The following MTHFD2L variants were observed in gnomAD, a reference collection of about 807,000 sequenced individuals.
MTHFD2L encodes methylenetetrahydrofolate dehydrogenase (NADP+ dependent) 2 like.
Under a neutral mutation model 34.9 loss-of-function variants are expected in MTHFD2L, and 29 were observed. That is an observed-to-expected ratio of 0.83 (90% CI 0.62 to 1.13). The LOEUF is 1.13. Among genes scored for constraint, MTHFD2L ranks in the 50% most tolerant of loss-of-function variants. MTHFD2L has a pLI of 0.00. For synonymous variants in MTHFD2L, 167 were observed against 155.7 expected (o/e 1.07, Z -0.54); for missense variants, 481 against 446.5 (o/e 1.08, Z -0.70).
chr4:74,122,038 C>T (rs1345823847), upstream of MTHFD2L, among the ~76,000 whole-genome samples: 1 of 152,040 alleles, frequency 6.6e-6, no homozygotes, highest in Non-Finnish European at 1.5e-5. Context: ...CAGTCTGTGG[C>T]ATTTTGTTAC....
chr4:74,268,313 C>T, intron 6 of MTHFD2L: 3 of 910,072 alleles, frequency 3.3e-6, no homozygotes, highest in Non-Finnish European at 3.9e-6. Flanking sequence ...AAATTCCACT[C>T]TAATTATTAT....
At chr4:74,147,351 T>C (rs1252267244) in intron 1 of MTHFD2L, among the ~76,000 whole-genome samples, 1 of 152,180 alleles carries the variant, frequency 6.6e-6, no homozygotes, top group East Asian at 1.9e-4. Context: ...AATAGAAGGA[T>C]TCCAGAAGGT....
intron 6 of MTHFD2L, among the ~76,000 whole-genome samples, chr4:74,227,072 A>C (rs1175194605): frequency 6.6e-6 from 1 of 152,140 alleles, no homozygotes; most frequent in Non-Finnish European, 1.5e-5. Flanking sequence ...AGGCTGACTA[A>C]TGAAGATGGC....
intron 1 of MTHFD2L, among the ~76,000 whole-genome samples, chr4:74,149,527 A>G (rs145659425): frequency 3.2e-4 from 49 of 152,378 alleles, no homozygotes; most frequent in African/African-American, 1.2e-3. Context: ...TTAAACTCAA[A>G]TAACAAAACA....
intron 6 of MTHFD2L, among the ~76,000 whole-genome samples, 164 bp from the exon 7 acceptor site, chr4:74,281,261 G>T (rs557887648): frequency 6.6e-6 from 1 of 151,820 alleles, no homozygotes; most frequent in East Asian, 1.9e-4. Flanking sequence ...AATCATCTTT[G>T]TTATTCTCTC....
At chr4:74,281,625 T>G in intron 7 of MTHFD2L, 75 bp downstream of exon 7, 1 of 1,420,298 alleles carries the variant, frequency 7.0e-7, no homozygotes, top group Non-Finnish European at 9.4e-7. Flanking sequence ...AATAGAGAAG[T>G]TTCATTTATG....
intron 7 of MTHFD2L, among the ~76,000 whole-genome samples, chr4:74,284,578 A>G (rs1276604588): frequency 6.6e-6 from 1 of 151,554 alleles, no homozygotes; most frequent in Non-Finnish European, 1.5e-5. Flanking sequence ...TAGATTCTGG[A>G]TATTAGCCCT....
intron 1 of MTHFD2L, among the ~76,000 whole-genome samples, chr4:74,164,500 C>G (rs1269585359): frequency 6.6e-6 from 1 of 152,194 alleles, no homozygotes; most frequent in African/African-American, 2.4e-5. Flanking sequence ...GTGCTGAAGA[C>G]TTTCTGCTCT....
upstream of MTHFD2L, among the ~76,000 whole-genome samples, chr4:74,124,338 G>T (rs1721927857): frequency 6.6e-6 from 1 of 151,538 alleles, no homozygotes; most frequent in African/African-American, 2.4e-5. Context: ...TATTCTTTCT[G>T]AAGGTGATAT....
chr4:74,246,697 G>T (rs1323924790), intron 6 of MTHFD2L, among the ~76,000 whole-genome samples: 1 of 152,066 alleles, frequency 6.6e-6, no homozygotes, highest in Non-Finnish European at 1.5e-5. Context: ...TTCTACATAT[G>T]GCCAGCCAGT....
chr4:74,154,992 T>C (rs574665666), upstream of MTHFD2L, among the ~76,000 whole-genome samples: 2 of 152,262 alleles, frequency 1.3e-5, no homozygotes, highest in South Asian at 2.1e-4. Context: ...TATCTGTAAA[T>C]TGCCACTCCA....
upstream of MTHFD2L, among the ~76,000 whole-genome samples, chr4:74,123,786 T>A (rs1212066992): frequency 6.6e-6 from 1 of 152,156 alleles, no homozygotes; most frequent in African/African-American, 2.4e-5. Flanking sequence ...CATGTTTTTC[T>A]TCCGACTTTA....
intron 1 of MTHFD2L, among the ~76,000 whole-genome samples, chr4:74,163,407 G>A (rs1156422244): frequency 1.3e-5 from 2 of 152,208 alleles, no homozygotes; most frequent in Non-Finnish European, 2.9e-5. Context: ...ACAAAGCTTA[G>A]CATCTAAGGT....
intron 1 of MTHFD2L, among the ~76,000 whole-genome samples, chr4:74,130,633 C>A (rs1207825405): frequency 6.6e-6 from 1 of 152,132 alleles, no homozygotes; most frequent in East Asian, 1.9e-4. Flanking sequence ...CAATATCATA[C>A]TGATTGGGCA....
intron 7 of MTHFD2L, among the ~76,000 whole-genome samples, chr4:74,291,609 G>A (rs1301180035): frequency 5.3e-5 from 8 of 152,124 alleles, no homozygotes; most frequent in Non-Finnish European, 8.8e-5. Flanking sequence ...GAGGTCCTGG[G>A]TATATCTGTG....
At position 74,164,331 on chromosome 4, in the gene MTHFD2L, T is replaced by A. The variant is rs145342866; in HGVS notation, c.143+6050T>A. 8.7e-3 allele frequency among the ~76,000 whole-genome samples: 1,323 copies of A among 152,350 alleles called. 18 individuals are homozygous for A. Among genetic ancestry groups the A allele is most frequent in the African/African-American group, 0.031 (1,275 of 41,576 alleles). Reference sequence around the variant, plus strand: ...AGGTTTTATTTGTTGGTAAGCTACTTTTTTGTGGAAGAGTATTTTGATACA... The same window carrying A: ...AGGTTTTATTTGTTGGTAAGCTACTATTTTGTGGAAGAGTATTTTGATACA... On this transcript the variant is annotated intron_variant, in intron 1 of 7. Transcript: ENST00000325278.
At chr4:74,280,355 C>T (rs1199396961) in intron 6 of MTHFD2L, 1 of 152,106 alleles carries the variant, frequency 6.6e-6, no homozygotes, top group Admixed American at 6.6e-5. Context: ...CTGTGAGAAA[C>T]CAAGCCCCAT....
chr4:74,233,329 G>T (rs1414724764), intron 6 of MTHFD2L, among the ~76,000 whole-genome samples: 1 of 152,080 alleles, frequency 6.6e-6, no homozygotes, highest in East Asian at 1.9e-4. Context: ...CAAAAGAAAC[G>T]TGGTCTTTAA....
chr4:74,182,775 T>C (rs1730442608), intron 3 of MTHFD2L: 1 of 152,190 alleles, frequency 6.6e-6, no homozygotes. Flanking sequence ...GGAAGAGACA[T>C]TTTTGGAACC....
Sources: gnomAD v4.1 joint callset for allele counts (sites outside exome capture counted in the v4.1 genomes callset) on GRCh38, gnomAD v4.1.1 for gene constraint, MANE v1.5 for transcripts, NCBI Gene and HGNC (gene_info 2026-07-23, HGNC 2026-07-21) for gene names.